The following CACNA2D3 variants were observed in gnomAD, a reference collection of about 807,000 sequenced individuals.
CACNA2D3 encodes calcium voltage-gated channel auxiliary subunit alpha2delta 3, also known as voltage-dependent calcium channel subunit alpha-2/delta-3.
CACNA2D3 carries 60 observed loss-of-function variants against 160.6 expected under a neutral mutation model. That is an observed-to-expected ratio of 0.37 (90% CI 0.30 to 0.46). The LOEUF (loss-of-function observed/expected upper bound fraction) is 0.46. CACNA2D3 is among the 20% of genes least tolerant of loss of function. The pLI is 1.00. For synonymous variants in CACNA2D3, 558 were observed against 492.9 expected, an observed-to-expected ratio of 1.13 and a Z score of -1.75; for missense variants, 1,205 against 1,365.0, an observed-to-expected ratio of 0.88 and a Z score of 1.85.
At chr3:55,014,272 T>C (rs905186343) in intron 34 of CACNA2D3, among the ~76,000 whole-genome samples, 1 of 152,174 alleles carries the variant, frequency 6.6e-6, no homozygotes, top group African/African-American at 2.4e-5. Context: ...TTAATGATGA[T>C]TGTGATGAGT....
chr3:54,837,723 C>T (rs1209850833), intron 15 of CACNA2D3, among the ~76,000 whole-genome samples: 1 of 152,178 alleles, frequency 6.6e-6, no homozygotes, highest in African/African-American at 2.4e-5. Flanking sequence ...GGGCCCCCAG[C>T]ATTCCTTGGC....
intron 2 of CACNA2D3, among the ~76,000 whole-genome samples, chr3:54,185,606 C>T (rs1278639234): frequency 6.6e-6 from 1 of 152,154 alleles, no homozygotes; most frequent in Non-Finnish European, 1.5e-5. Context: ...AAAGGATCAA[C>T]ACATTTTTTC....
chr3:54,375,442 G>T lies in CACNA2D3; in HGVS notation c.322-11273G>T, dbSNP rs370355429. 5.9e-5 allele frequency among the ~76,000 whole-genome samples: 9 copies of T among 152,238 alleles called. No homozygotes were observed. In the South Asian group the frequency reaches 1.5e-3, roughly 25 times the overall value. On this transcript the variant is annotated intron_variant, in intron 3 of 37. Transcript: ENST00000474759. Reference sequence around the variant, plus strand: ...CACAAAGTGCTCAGTCCTTTGTTAGGGGGTGGGGTGGGGGTGACATCCTTG... The same window carrying T: ...CACAAAGTGCTCAGTCCTTTGTTAGTGGGTGGGGTGGGGGTGACATCCTTG...
chr3:54,706,923 T>A (rs1559554622), intron 11 of CACNA2D3, among the ~76,000 whole-genome samples: 1 of 152,238 alleles, frequency 6.6e-6, no homozygotes, highest in African/African-American at 2.4e-5. Context: ...GTTCCCTACC[T>A]CTGTTTCTGG....
At chr3:54,222,090 CT>C (rs1382609907) in intron 2 of CACNA2D3, among the ~76,000 whole-genome samples, 2 of 152,134 alleles carry the variant, frequency 1.3e-5, no homozygotes, top group Non-Finnish European at 2.9e-5. Context: ...TTGTATTATG[CT>C]TACTTATTAT....
chr3:54,981,543 G>C (rs1575420427), intron 29 of CACNA2D3, among the ~76,000 whole-genome samples: 1 of 152,190 alleles, frequency 6.6e-6, no homozygotes, highest in East Asian at 1.9e-4. Flanking sequence ...AGAGAGAAAG[G>C]GGGGCTGGGG....
At chr3:54,766,302 A>G (rs1702223065) in intron 13 of CACNA2D3, among the ~76,000 whole-genome samples, 1 of 152,212 alleles carries the variant, frequency 6.6e-6, no homozygotes, top group African/African-American at 2.4e-5. Flanking sequence ...CAAAATTGCT[A>G]TAGGAACAAA....
chr3:54,970,286 G>A (rs1325857870), intron 29 of CACNA2D3, among the ~76,000 whole-genome samples: 1 of 152,152 alleles, frequency 6.6e-6, no homozygotes, highest in African/African-American at 2.4e-5. Context: ...CTAATTTCAT[G>A]TAATAAGCAA....
intron 10 of CACNA2D3, among the ~76,000 whole-genome samples, chr3:54,631,203 AACACACACACACACAC>A (rs67944483): frequency 1.4e-4 from 21 of 145,880 alleles, no homozygotes; most frequent in African/African-American, 4.9e-4. Flanking sequence ...GACTCCATCA[AACACACACACACACAC>A]ACACACACAC....
At chr3:54,568,201 A>T (rs559931467) in intron 6 of CACNA2D3, among the ~76,000 whole-genome samples, 1 of 152,302 alleles carries the variant, frequency 6.6e-6, no homozygotes, top group Admixed American at 6.5e-5. Flanking sequence ...CTCCAATGTT[A>T]GTTTGTAATG....
intron 27 of CACNA2D3, among the ~76,000 whole-genome samples, chr3:54,932,301 C>G (rs953133348): frequency 6.6e-6 from 1 of 151,838 alleles, no homozygotes; most frequent in Non-Finnish European, 1.5e-5. Flanking sequence ...TTGTATAATC[C>G]CATTTATATT....
chr3:54,314,617 G>T (rs868517691), intron 2 of CACNA2D3, among the ~76,000 whole-genome samples: 5 of 152,020 alleles, frequency 3.3e-5, no homozygotes, highest in Admixed American at 2.6e-4. Context: ...GAGTAAGGTG[G>T]TTTCGCATTG....
intron 5 of CACNA2D3, among the ~76,000 whole-genome samples, chr3:54,510,228 G>A (rs1701438847): frequency 6.6e-6 from 1 of 152,012 alleles, no homozygotes; most frequent in South Asian, 2.1e-4. Flanking sequence ...ATGGATGGAT[G>A]GATGGATGAA....
At chr3:54,470,146 G>A (rs2106871332) in intron 4 of CACNA2D3, among the ~76,000 whole-genome samples, 1 of 152,294 alleles carries the variant, frequency 6.6e-6, no homozygotes, top group South Asian at 2.1e-4. Context: ...CACCAAGGTT[G>A]AAATGAAGGA....
At chr3:54,315,228 T>C (rs2107502952) in intron 2 of CACNA2D3, among the ~76,000 whole-genome samples, 1 of 152,298 alleles carries the variant, frequency 6.6e-6, no homozygotes, top group South Asian at 2.1e-4. Flanking sequence ...TGGGCTTGCT[T>C]TGCCCTCTCC....
At chr3:54,155,963 A>G (rs752755641) in intron 2 of CACNA2D3, among the ~76,000 whole-genome samples, 36 of 152,336 alleles carry the variant, frequency 2.4e-4, no homozygotes, top group Non-Finnish European at 3.8e-4. Context: ...GGCCTTTTCA[A>G]CTGAGGTTTT....
intron 5 of CACNA2D3, among the ~76,000 whole-genome samples, chr3:54,510,980 A>G (rs1173443954): frequency 6.6e-6 from 1 of 152,128 alleles, no homozygotes; most frequent in Non-Finnish European, 1.5e-5. Flanking sequence ...ATGAAGTGCA[A>G]ACACGCTCAC....
rs1399472992 is a variant in CACNA2D3, at chr3:54,811,497, T to A, written c.1381-5356T>A. 8.6e-5 allele frequency among the ~76,000 whole-genome samples: 11 copies of A among 128,428 alleles called. No homozygotes were observed. The East Asian group carries it at 1.9e-3, about 22-fold the overall frequency. 84.3% of individuals were successfully genotyped at this position (128,428 alleles called of 152,430 possible). On this transcript the variant is annotated intron_variant, in intron 13 of 37. Transcript: ENST00000474759. ...TTTTTTTTTTTTTTTTTTTTTTTTTTTTTTTTTTTTTTTTTTTTGAGACAG... is the reference window on the plus strand; with the variant it reads ...TTTTTTTTTTTTTTTTTTTTTTTTTATTTTTTTTTTTTTTTTTTGAGACAG...
chr3:54,356,011 C>T (rs1184203455), intron 3 of CACNA2D3, among the ~76,000 whole-genome samples: 1 of 150,002 alleles, frequency 6.7e-6, no homozygotes, highest in Non-Finnish European at 1.5e-5. Context: ...GTCCCCAGGA[C>T]TGGCTGGACC....
Sources: allele counts gnomAD v4.1 joint callset (sites outside exome capture counted in the v4.1 genomes callset), GRCh38; gene constraint gnomAD v4.1.1; transcripts MANE v1.5; gene names NCBI Gene and HGNC (gene_info 2026-07-23, HGNC 2026-07-21).